The following RYR2 variants were observed in gnomAD, a reference collection of about 807,000 sequenced individuals.
The protein encoded by RYR2 is ryanodine receptor 2.
Under a neutral mutation model 601.1 loss-of-function variants are expected in RYR2, and 227 were observed. The ratio of observed to expected loss-of-function variants is 0.38; its 90% CI spans 0.34 to 0.42. The LOEUF is 0.42. Ranked by LOEUF, RYR2 falls within the 10% of genes least tolerant of loss-of-function variation. The probability of loss-of-function intolerance (pLI) is 1.00; values close to 1 mark genes in which losing one functional copy is unlikely to be tolerated. For synonymous variants in RYR2, 2,223 were observed against 2,175.1 expected (o/e 1.02, Z -0.61); for missense variants, 4,646 against 6,156.5 (o/e 0.75, Z 8.21).
At chr1:237,572,123 C>T (rs1050547679) in intron 29 of RYR2, among the ~76,000 whole-genome samples, 3 of 152,026 alleles carry the variant, frequency 2.0e-5, no homozygotes, top group Non-Finnish European at 4.4e-5. Flanking sequence ...GTGCTCTAAC[C>T]CTCCCCTACC....
chr1:237,216,047 T>C (rs1558440389), intron 1 of RYR2, among the ~76,000 whole-genome samples: 1 of 152,208 alleles, frequency 6.6e-6, no homozygotes, highest in African/African-American at 2.4e-5. Context: ...TAGGTAAACA[T>C]AAATTAACGA....
At chr1:237,298,150 C>T (rs765727003) in intron 2 of RYR2, among the ~76,000 whole-genome samples, 8 of 152,090 alleles carry the variant, frequency 5.3e-5, no homozygotes, top group Non-Finnish European at 8.8e-5. Flanking sequence ...TAACCAACCA[C>T]GTTATTCTTT....
At chr1:237,704,344 T>A (rs1452799339) in intron 66 of RYR2, among the ~76,000 whole-genome samples, 1 of 152,108 alleles carries the variant, frequency 6.6e-6, no homozygotes, top group African/African-American at 2.4e-5. Flanking sequence ...ATTTTTAAAA[T>A]CATCAACCAT....
chr1:237,259,943 T>C (rs977425402), intron 1 of RYR2, among the ~76,000 whole-genome samples: 4 of 152,196 alleles, frequency 2.6e-5, no homozygotes, highest in African/African-American at 9.6e-5. Flanking sequence ...CAGATGCACA[T>C]CATATGGATA....
At chr1:237,544,035 T>C (rs962559499) in intron 25 of RYR2, among the ~76,000 whole-genome samples, 1 of 152,194 alleles carries the variant, frequency 6.6e-6, no homozygotes, top group African/African-American at 2.4e-5. Flanking sequence ...AATTTTGCTA[T>C]CGGGAAAGCA....
At chr1:237,664,004 A>G (rs1275200193) in intron 56 of RYR2, among the ~76,000 whole-genome samples, 2 of 152,198 alleles carry the variant, frequency 1.3e-5, no homozygotes, top group Admixed American at 1.3e-4. Flanking sequence ...CTTGGTAGGG[A>G]TACTAAAGAA....
rs552450474 is a variant in RYR2, at chr1:237,235,895, G to A, written c.49-34602G>A. Among the ~76,000 whole-genome samples, 8 of 152,258 alleles carry A rather than the reference G, an allele frequency of 5.3e-5. No homozygotes were observed. The East Asian group carries it at 1.5e-3, about 29-fold the overall frequency. On this transcript the variant is annotated intron_variant, in intron 1 of 104. Transcript: ENST00000366574. ...TCGTGCATATGTATGTTGGAGGTTAGCATTGAAAACAAGCCTTCATGTTCA... is the reference window on the plus strand; with the variant it reads ...TCGTGCATATGTATGTTGGAGGTTAACATTGAAAACAAGCCTTCATGTTCA...
chr1:237,348,304 A>G (rs1330904635), intron 3 of RYR2, among the ~76,000 whole-genome samples: 1 of 152,210 alleles, frequency 6.6e-6, no homozygotes, highest in East Asian at 1.9e-4. Context: ...TTGGGAAACA[A>G]GCTCAGAAGC....
chr1:237,615,356 A>AT (rs925459756), intron 37 of RYR2, among the ~76,000 whole-genome samples: 44 of 151,524 alleles, frequency 2.9e-4, no homozygotes, highest in African/African-American at 8.7e-4. Context: ...TGCCCAGTTA[A>AT]TTTTTTTTTA....
At chr1:237,579,176 T>C (rs1673602045) in intron 29 of RYR2, among the ~76,000 whole-genome samples, 1 of 151,524 alleles carries the variant, frequency 6.6e-6, no homozygotes, top group Admixed American at 6.6e-5. Context: ...TACCAGCTAA[T>C]AATAAATTGT....
intron 62 of RYR2, 81 bp downstream of exon 62, chr1:237,680,658 G>A: frequency 1.9e-6 from 2 of 1,041,258 alleles, no homozygotes. Context: ...ACCTTGAAGT[G>A]GGGCTGTACG....
Position 237,699,005 on chromosome 1 carries a change from G to T in RYR2, c.9108G>T (p.Leu3036Phe). 1 of 1,549,470 alleles carries T rather than the reference G, an allele frequency of 6.5e-7. No homozygotes were observed. The highest frequency in any genetic ancestry group is 1.2e-5 in the South Asian group (1 of 83,156). ...ATSIVNCLHI[L>F]GQTLDARTVM... ...CAATTGTCAACTGTCTTCATATTTT[G>T]GGTCAGACTTTGGATGCAAGGTAAA... The change falls in exon 64 of 105, where the codon TTG becomes TTT. Residue 3036 changes from leucine to phenylalanine, a missense_variant. Physicochemically the swap from Leu to Phe is conservative, Grantham distance 22 (BLOSUM62 0). Around this residue, in one of 17 missense-constraint regions of RYR2, gnomAD observed 1,497 missense variants for 1,842.6 expected, o/e 0.81. Coordinates refer to ENST00000366574, the MANE Select transcript of RYR2 (RefSeq NM_001035.3).
intron 1 of RYR2, among the ~76,000 whole-genome samples, chr1:237,215,907 A>T (rs1374945893): frequency 1.3e-5 from 2 of 152,220 alleles, no homozygotes; most frequent in Admixed American, 6.5e-5. Flanking sequence ...ACATTCTAGT[A>T]ATTACGTTAC....
At chr1:237,149,963 G>A (rs1360173177) in intron 1 of RYR2, among the ~76,000 whole-genome samples, 1 of 152,148 alleles carries the variant, frequency 6.6e-6, no homozygotes, top group Non-Finnish European at 1.5e-5. Context: ...TATAAGATGA[G>A]TTTGAAGGCT....
At chr1:237,714,990 T>TTAAAAAAAAAAAAAAAAAAAAA (rs1558274627) in intron 71 of RYR2, among the ~76,000 whole-genome samples, 1 of 89,400 alleles carries the variant, frequency 1.1e-5, no homozygotes, top group African/African-American at 6.9e-5. Flanking sequence ...AGACTCCATC[T>TTAAAAAAAAAAAAAAAAAAAAA]CAAAAAAAAA....
chr1:237,708,989 A>T lies in RYR2; in HGVS notation c.10033A>T (p.Arg3345Trp). Residue 3345 changes from arginine (R) to tryptophan (W), a missense_variant, in exon 69 of 105, where the codon AGG (arginine) becomes TGG (tryptophan). Physicochemically the swap from Arg to Trp is moderately radical, Grantham distance 101 (BLOSUM62 -3). Coordinates refer to ENST00000366574, the MANE Select transcript of RYR2 (RefSeq NM_001035.3). Reference sequence around the variant, plus strand: ...GGAAGACCACCTGAAAGCTGAGGCCAGGGGGGACATGTCGGAGGCAGAACT... The same window carrying T: ...GGAAGACCACCTGAAAGCTGAGGCCTGGGGGGACATGTCGGAGGCAGAACT... ...SEEDHLKAEA[R>W]GDMSEAELLI... The T allele has an allele frequency of 6.2e-7, 1 of 1,613,754 alleles. No individual in the cohort carries two copies. Among genetic ancestry groups the T allele is most frequent in the Non-Finnish European group, 8.5e-7 (1 of 1,179,728 alleles).
chr1:237,506,660 T>C (rs1416643372), intron 22 of RYR2, 50 bp from the exon 23 acceptor site: 1 of 1,354,594 alleles, frequency 7.4e-7, no homozygotes, highest in African/African-American at 1.4e-5. Flanking sequence ...TGGCACTGCA[T>C]CTTATTGCAT....
intron 63 of RYR2, among the ~76,000 whole-genome samples, chr1:237,691,955 C>G (rs1410427062): frequency 6.6e-6 from 1 of 152,158 alleles, no homozygotes; most frequent in Non-Finnish European, 1.5e-5. Context: ...CAGAGTTACC[C>G]CTGACTTTTG....
intron 23 of RYR2, among the ~76,000 whole-genome samples, chr1:237,507,083 C>T (rs1264512220): frequency 6.6e-6 from 1 of 152,156 alleles, no homozygotes; most frequent in Non-Finnish European, 1.5e-5. Context: ...GTTATATTTT[C>T]AAATCAAGGT....
Sources: allele counts gnomAD v4.1 joint callset (sites outside exome capture counted in the v4.1 genomes callset), GRCh38; gene constraint gnomAD v4.1.1; regional missense constraint gnomAD v4.1.1; transcripts MANE v1.5; gene names NCBI Gene and HGNC (gene_info 2026-07-23, HGNC 2026-07-21).